The following SLC25A48 variants were observed in gnomAD, a reference collection of about 807,000 sequenced individuals.
SLC25A48 encodes CTC-321K16.1.
In SLC25A48, 29 loss-of-function variants were observed where a neutral mutation model predicts 32.2. The observed-to-expected ratio is 0.90, with a 90% CI of 0.67 to 1.23. The LOEUF is 1.23. Ranked by LOEUF, SLC25A48 falls within the 50% of genes most tolerant of loss-of-function variation. SLC25A48 has a pLI of 0.00. For missense variants in SLC25A48, 399 were observed against 422.7 expected, an observed-to-expected ratio of 0.94 and a Z score of 0.49; for synonymous variants, 164 against 172.3, an observed-to-expected ratio of 0.95 and a Z score of 0.38.
chr5:135,799,579 G>T (rs1264969575), intron 3 of SLC25A48, among the ~76,000 whole-genome samples: 1 of 151,474 alleles, frequency 6.6e-6, no homozygotes, highest in African/African-American at 2.4e-5. Flanking sequence ...TATCCAGGTG[G>T]GGATATGTTA....
At chr5:135,703,461 T>C (rs1419388838) in intron 3 of SLC25A48, among the ~76,000 whole-genome samples, 1 of 152,202 alleles carries the variant, frequency 6.6e-6, no homozygotes, top group Non-Finnish European at 1.5e-5. Context: ...CAAGGAGCTG[T>C]TTCCGCACCT....
At chr5:135,816,114 T>G (rs1259794058) in intron 4 of SLC25A48, among the ~76,000 whole-genome samples, 1 of 152,058 alleles carries the variant, frequency 6.6e-6, no homozygotes. Flanking sequence ...CTGCTATTTT[T>G]AAAACCATCA....
chr5:135,818,121 C>A (rs961105126), intron 4 of SLC25A48, among the ~76,000 whole-genome samples: 27 of 129,628 alleles, frequency 2.1e-4, no homozygotes, highest in African/African-American at 7.0e-4. Flanking sequence ...CTCTCTCTCC[C>A]TCTGTTTCTG....
intron 6 of SLC25A48, chr5:135,876,188 C>T (rs1762040694): frequency 1.7e-5 from 2 of 116,876 alleles, no homozygotes; most frequent in Admixed American, 2.4e-4. Flanking sequence ...GTGATTCAGC[C>T]AATGAGTATA....
At chr5:135,632,605 C>G (rs1356316839) in intron 2 of SLC25A48, among the ~76,000 whole-genome samples, 2 of 152,166 alleles carry the variant, frequency 1.3e-5, no homozygotes, top group Non-Finnish European at 1.5e-5. Flanking sequence ...GGGCTCTTCT[C>G]TATTGTAAAA....
rs368750230 is a variant in SLC25A48 at position 135,718,296 on chromosome 5, G to C, written c.-521+83340G>C. Reference sequence around the variant, plus strand: ...TTGCTGCCTCTATCCTTGATGAAAAGTAATAGCCGGGCACTAGGCTCACAT... The same window carrying C: ...TTGCTGCCTCTATCCTTGATGAAAACTAATAGCCGGGCACTAGGCTCACAT... On this transcript the variant is annotated intron_variant, in intron 3 of 10. Transcript: ENST00000646290. Among the ~76,000 whole-genome samples, 35 of 152,264 alleles carry C rather than the reference G, an allele frequency of 2.3e-4. No homozygotes were observed. The South Asian group carries it at 7.1e-3, about 31-fold the overall frequency.
At position 135,874,146 on chromosome 5, in the gene SLC25A48, G is replaced by A. The variant is rs1469470841; in HGVS notation, c.805G>A (p.Gly269Ser). 2.1e-6 allele frequency: 3 copies of A among 1,462,838 alleles called. No individual in the cohort carries two copies. The highest frequency in any genetic ancestry group is 2.7e-6 in the Non-Finnish European group (3 of 1,116,564). 90.6% of individuals were successfully genotyped at this position (1,462,838 alleles called of 1,614,324 possible). Reference protein sequence around the residue: ...DCISQSYQKEGLKVFFRGITV... With the variant: ...DCISQSYQKESLKVFFRGITV... ...TATCTCCCAGAGTTACCAGAAGGAA[G>A]GTCTTAAAGTAAGCCCACAGCAGGC... The change falls in exon 6 of 8, where the codon GGT (glycine) becomes AGT (serine). Residue 269 changes from glycine to serine, a missense_variant. Transcript: ENST00000681962.
At chr5:135,731,085 GT>G (rs1455378734) in intron 3 of SLC25A48, among the ~76,000 whole-genome samples, 2 of 152,190 alleles carry the variant, frequency 1.3e-5, no homozygotes, top group Non-Finnish European at 2.9e-5. Flanking sequence ...GGTGGGCTGA[GT>G]CCGAAAAGAG....
chr5:135,605,109 T>C (rs1203185362), intron 1 of SLC25A48, among the ~76,000 whole-genome samples: 1 of 152,276 alleles, frequency 6.6e-6, no homozygotes, highest in East Asian at 1.9e-4. Flanking sequence ...TAATTTTCTT[T>C]ATATGTATGC....
chr5:135,626,210 TG>T (rs1373052653), intron 1 of SLC25A48, among the ~76,000 whole-genome samples: 1 of 152,240 alleles, frequency 6.6e-6, no homozygotes, highest in Non-Finnish European at 1.5e-5. Context: ...TTGGACAAGG[TG>T]GGTGGCAATG....
chr5:135,681,309 A>G (rs902721621), intron 3 of SLC25A48, among the ~76,000 whole-genome samples: 3 of 152,142 alleles, frequency 2.0e-5, no homozygotes, highest in Admixed American at 6.5e-5. Flanking sequence ...TTCTGTCTTC[A>G]AGTTCACTAT....
At chr5:135,856,003 CT>C (rs1284230970) in intron 4 of SLC25A48, among the ~76,000 whole-genome samples, 1 of 152,212 alleles carries the variant, frequency 6.6e-6, no homozygotes, top group African/African-American at 2.4e-5. Context: ...CTGGCAGTGG[CT>C]TTCCCAAAGG....
intron 3 of SLC25A48, among the ~76,000 whole-genome samples, chr5:135,767,654 AG>A (rs1756278007): frequency 6.6e-6 from 1 of 151,912 alleles, no homozygotes; most frequent in East Asian, 1.9e-4. Flanking sequence ...CACAATATCC[AG>A]GGGGAAAAAG....
chr5:135,882,837 C>T (rs1451772582), intron 7 of SLC25A48, among the ~76,000 whole-genome samples: 6 of 152,180 alleles, frequency 3.9e-5, no homozygotes, highest in African/African-American at 1.4e-4. Context: ...AGCCTACTTT[C>T]GGTTTCAGGA....
chr5:135,581,604 C>T lies in SLC25A48; in HGVS notation c.-849+2007C>T, dbSNP rs74977087. ...CTAACAACACCAGCGATCGTGGGCACTGAGTTTTCACAGGAAAAAGTAGTT... is the reference window on the plus strand; with the variant it reads ...CTAACAACACCAGCGATCGTGGGCATTGAGTTTTCACAGGAAAAAGTAGTT... On this transcript the variant is annotated intron_variant, in intron 1 of 10. Transcript: ENST00000646290. Among the ~76,000 whole-genome samples, 1,297 of 152,330 alleles carry T rather than the reference C, an allele frequency of 8.5e-3. 24 individuals are homozygous for T. Among genetic ancestry groups the T allele is most frequent in the Non-Finnish European group, 7.9e-3 (539 of 68,038 alleles).
chr5:135,744,467 C>T (rs933487645), intron 3 of SLC25A48, among the ~76,000 whole-genome samples: 4 of 151,690 alleles, frequency 2.6e-5, no homozygotes, highest in African/African-American at 9.7e-5. Flanking sequence ...CCTCCCACCT[C>T]AGCCTCAAGA....
chr5:135,762,810 A>G (rs920368330), intron 3 of SLC25A48, among the ~76,000 whole-genome samples: 1 of 143,096 alleles, frequency 7.0e-6, no homozygotes, highest in Non-Finnish European at 1.5e-5. Context: ...GTGAATGTGT[A>G]TAAATGTGAG....
At chr5:135,820,036 A>G (rs776236643) in intron 4 of SLC25A48, among the ~76,000 whole-genome samples, 1 of 152,044 alleles carries the variant, frequency 6.6e-6, no homozygotes, top group Admixed American at 6.6e-5. Context: ...TTAGTTAAAC[A>G]TACACTTACC....
intron 2 of SLC25A48, among the ~76,000 whole-genome samples, chr5:135,634,108 C>T (rs190864471): frequency 8.5e-5 from 13 of 152,266 alleles, no homozygotes; most frequent in Non-Finnish European, 1.5e-4. Flanking sequence ...GTCCTATTTG[C>T]TCTCCAAAAA....
Sources: allele counts gnomAD v4.1 joint callset (sites outside exome capture counted in the v4.1 genomes callset), GRCh38; gene constraint gnomAD v4.1.1; transcripts MANE v1.5; gene names NCBI Gene and HGNC (gene_info 2026-07-23, HGNC 2026-07-21).